The following KHNYN variants were observed in gnomAD, a reference collection of about 807,000 sequenced individuals.
The protein encoded by KHNYN is protein KHNYN.
KHNYN carries 42 observed loss-of-function variants against 62.7 expected under a neutral mutation model. That is an observed-to-expected ratio of 0.67 (90% CI 0.52 to 0.87). The LOEUF is 0.87. Ranked by LOEUF, KHNYN falls within the 40% of genes least tolerant of loss-of-function variation. KHNYN has a pLI of 0.00. For missense variants in KHNYN, 829 were observed against 874.1 expected, an observed-to-expected ratio of 0.95 and a Z score of 0.65; for synonymous variants, 347 against 345.6, an observed-to-expected ratio of 1.00 and a Z score of -0.04.
chr14:24,425,976 C>A (rs1412738533), upstream of KHNYN, among the ~76,000 whole-genome samples: 6 of 152,196 alleles, frequency 3.9e-5, no homozygotes, highest in African/African-American at 1.4e-4. Context: ...ACAAATGTAC[C>A]TTGCAAATAG....
Position 24,441,009 on chromosome 14 carries a change from C to T in KHNYN, c.*3724C>T. 2.1e-6 allele frequency: 3 copies of T among 1,424,982 alleles called. No individual in the cohort carries two copies. The highest frequency in any genetic ancestry group is 3.0e-6 in the Non-Finnish European group (3 of 1,016,510). 88.3% of individuals were successfully genotyped at this position (1,424,982 alleles called of 1,614,324 possible). On this transcript the variant is annotated 3_prime_UTR_variant, in exon 8 of 8. Coordinates refer to ENST00000553935, the MANE Select transcript of KHNYN (RefSeq NM_015299.3). ...TAGTGGAGGCTCCCCTTGGCCTCAC[C>T]TTCTCTGGCCCTTAGGATCTCCCCA...
chr14:24,436,041 C>A (rs2043198548), intron 5 of KHNYN, 31 bp from the exon 6 acceptor site: 1 of 1,566,880 alleles, frequency 6.4e-7, no homozygotes, highest in Non-Finnish European at 8.8e-7. Flanking sequence ...ATTTTTCAAC[C>A]CTCTCTCGGT....
In KHNYN at chr14:24,432,529, C is replaced by T. The variant is rs770202351; in HGVS notation, c.1268C>T (p.Pro423Leu). The T allele has an allele frequency of 1.9e-6, 3 of 1,613,148 alleles. 1 individual carries two copies. Among genetic ancestry groups the T allele is most frequent in the South Asian group, 2.2e-5 (2 of 91,058 alleles). Residue 423 changes from proline to leucine, a missense_variant, in exon 3 of 8, where the codon CCT (proline) becomes CTT (leucine). Pro to Leu is a moderately conservative substitution (Grantham distance 98). Transcript: ENST00000553935. This position sits in a 1 kb window ranked among gnomAD's most constrained non-coding sequence, Gnocchi z 5.6. ...CGTTTCAAGGAGGCCCTGCAGGATC[C>T]TTTCACCCTGTGCCTTGCCAATGTG... ...TQRFKEALQD[P>L]FTLCLANVPG...
upstream of KHNYN, chr14:24,426,531 C>T (rs542982643): frequency 7.9e-5 from 12 of 152,320 alleles, no homozygotes; most frequent in East Asian, 1.9e-4. Context: ...CATTATTCAA[C>T]TTTTAAAATG....
At chr14:24,429,196 C>T (rs1261942686), upstream of KHNYN, 7 of 823,584 alleles carry the variant, frequency 8.5e-6, no homozygotes, top group Non-Finnish European at 1.1e-5. Context: ...TACCTGTGTC[C>T]CAGCTCTGTC....
At chr14:24,429,593 G>C, upstream of KHNYN, 4 of 788,564 alleles carry the variant, frequency 5.1e-6, no homozygotes, top group Non-Finnish European at 6.9e-6. Flanking sequence ...TCCGCCTCCC[G>C]CCTCCCGCCT....
rs534989024 is a variant in KHNYN at position 24,440,449 on chromosome 14, C to T, written c.*3164C>T. 22 of 1,610,824 alleles carry T rather than the reference C, an allele frequency of 1.4e-5. No individual in the cohort carries two copies. In the Admixed American group the frequency reaches 3.4e-4, roughly 25 times the overall value. On this transcript the variant is annotated 3_prime_UTR_variant, in exon 8 of 8. Coordinates refer to ENST00000553935, the MANE Select transcript of KHNYN (RefSeq NM_015299.3). ...CCCCCAGGCCCAGGCGAAAGGGCAG[C>T]AGCATGTGGCCCATGGCACCACCCC... is the stretch of plus-strand genomic sequence containing the variant.
At chr14:24,426,470 A>G (rs941405888), upstream of KHNYN, 2 of 151,994 alleles carry the variant, frequency 1.3e-5, no homozygotes, top group African/African-American at 4.8e-5. Context: ...TCAAAAAGTT[A>G]TTTCTTTTCA....
At chr14:24,435,774 A>G in intron 5 of KHNYN, 1 of 443,024 alleles carries the variant, frequency 2.3e-6, no homozygotes, top group Admixed American at 3.7e-5. Context: ...ACTTGCATCT[A>G]GTCAGTTGCC....
chr14:24,433,459 G>A (rs757956532), intron 5 of KHNYN, among the ~76,000 whole-genome samples: 4 of 152,136 alleles, frequency 2.6e-5, no homozygotes, highest in South Asian at 2.1e-4. Context: ...GAAACACAAC[G>A]CATGAATAAT....
intron 5 of KHNYN, chr14:24,434,039 C>T (rs7143804): frequency 0.69 from 372,912 of 538,278 alleles, 129,896 homozygotes; most frequent in Middle Eastern, 0.76. Flanking sequence ...CCTTAACAAG[C>T]AAATGGTATT....
At chr14:24,434,283 A>G (rs1191230885) in intron 5 of KHNYN, 13 of 985,336 alleles carry the variant, frequency 1.3e-5, no homozygotes, top group African/African-American at 1.7e-5. Flanking sequence ...GAATAAGCAC[A>G]GTGGTACACA....
intron 7 of KHNYN, 28 bp downstream of exon 7, chr14:24,436,517 G>A (rs1007649583): frequency 3.9e-6 from 6 of 1,538,378 alleles, no homozygotes; most frequent in South Asian, 1.1e-5. Flanking sequence ...CTACTTACAG[G>A]CAGCCCCCAC....
chr14:24,426,188 T>C (rs1566492133), upstream of KHNYN, among the ~76,000 whole-genome samples: 1 of 152,250 alleles, frequency 6.6e-6, no homozygotes, highest in Non-Finnish European at 1.5e-5. Context: ...CTTTTGATAA[T>C]CAAATTGTCA....
upstream of KHNYN, chr14:24,428,757 G>A: frequency 6.3e-7 from 1 of 1,583,206 alleles, no homozygotes. Context: ...GGGATTACCT[G>A]GTCGAAGTAG....
chr14:24,429,785 A>G, upstream of KHNYN: 5 of 1,086,132 alleles, frequency 4.6e-6, no homozygotes, highest in Non-Finnish European at 5.6e-6. Context: ...CGGGAGACAG[A>G]CGGGAGGGCT....
Position 24,441,784 on chromosome 14 carries a change from G to C in KHNYN, c.*4499G>C, listed in dbSNP as rs535433755. On this transcript the variant is annotated 3_prime_UTR_variant, in exon 8 of 8. Transcript: ENST00000553935. Reference sequence around the variant, plus strand: ...GCTGCCGATTACCTCTTTTTGGAAGGTTTCATTCCATCTGCAGGAGAAACA... The same window carrying C: ...GCTGCCGATTACCTCTTTTTGGAAGCTTTCATTCCATCTGCAGGAGAAACA... 2 of 1,605,868 alleles carry C rather than the reference G, an allele frequency of 1.2e-6. No homozygotes were observed. The highest frequency in any genetic ancestry group is 1.1e-5 in the South Asian group (1 of 89,542).
At chr14:24,430,651 C>A in intron 1 of KHNYN, 63 bp from the exon 2 acceptor site, 1 of 1,520,602 alleles carries the variant, frequency 6.6e-7, no homozygotes, top group Non-Finnish European at 8.9e-7. Flanking sequence ...CTGGTGTAGT[C>A]CCAGGAACCA....
chr14:24,436,221 TG>T (rs760179573), intron 6 of KHNYN, 42 bp downstream of exon 6: 34 of 1,561,310 alleles, frequency 2.2e-5, no homozygotes, highest in African/African-American at 5.4e-5. Flanking sequence ...CAGATGCAGA[TG>T]TTTTTCTAAA....
Sources: allele counts gnomAD v4.1 joint callset (sites outside exome capture counted in the v4.1 genomes callset), GRCh38; gene constraint gnomAD v4.1.1; non-coding constraint Gnocchi (gnomAD v3.1); transcripts MANE v1.5; gene names NCBI Gene and HGNC (gene_info 2026-07-23, HGNC 2026-07-21).